The following CACNA2D3 variants were observed in gnomAD, a reference collection of about 807,000 sequenced individuals.
CACNA2D3 encodes calcium voltage-gated channel auxiliary subunit alpha2delta 3.
Under a neutral mutation model 160.6 loss-of-function variants are expected in CACNA2D3, and 60 were observed. The observed-to-expected ratio is 0.37, with a 90% CI of 0.30 to 0.46. The LOEUF is 0.46. Ranked by LOEUF, CACNA2D3 falls within the 20% of genes least tolerant of loss-of-function variation. The pLI is 1.00. For missense variants in CACNA2D3, 1,205 were observed against 1,365.0 expected (o/e 0.88, Z 1.85); for synonymous variants, 558 against 492.9 (o/e 1.13, Z -1.75).
intron 11 of CACNA2D3, among the ~76,000 whole-genome samples, chr3:54,688,672 G>A (rs1700512722): frequency 6.6e-6 from 1 of 151,650 alleles, no homozygotes; most frequent in Non-Finnish European, 1.5e-5. Flanking sequence ...CTGACACAGA[G>A]AAAGAGCTCA....
chr3:54,926,739 A>ACCC (rs1701032782), intron 27 of CACNA2D3, among the ~76,000 whole-genome samples: 1 of 152,008 alleles, frequency 6.6e-6, no homozygotes, highest in South Asian at 2.1e-4. Flanking sequence ...ATTAATATTT[A>ACCC]CCCCCACTCT....
rs143381034 is a variant in CACNA2D3, at chr3:55,001,829, C to T, written c.2691-2934C>T. ...TGTAATTGTTTAATAAGTCAGGAAA[C>T]GAAGCCTTTGAAGAGTACCAGCAAG... is the stretch of plus-strand genomic sequence containing the variant. On this transcript the variant is annotated intron_variant, in intron 31 of 37. Transcript: ENST00000474759. Among the ~76,000 whole-genome samples the T allele has an allele frequency of 5.9e-5, 9 of 152,274 alleles. No individual in the cohort carries two copies. The South Asian group carries it at 6.2e-4, about 11-fold the overall frequency.
intron 13 of CACNA2D3, among the ~76,000 whole-genome samples, chr3:54,795,191 T>A (rs1434787594): frequency 6.6e-6 from 1 of 152,198 alleles, no homozygotes; most frequent in Non-Finnish European, 1.5e-5. Context: ...CAGTCACTTT[T>A]AAAAAATTTT....
At chr3:54,532,432 A>G (rs186262652) in intron 5 of CACNA2D3, among the ~76,000 whole-genome samples, 39 of 152,318 alleles carry the variant, frequency 2.6e-4, no homozygotes, top group Non-Finnish European at 5.0e-4. Flanking sequence ...TGTACATTAT[A>G]CCCAATAAGG....
At chr3:54,752,837 G>GTTTTTTTTTTTTTTTTTTTTTTTTTTT (rs34310780) in intron 12 of CACNA2D3, among the ~76,000 whole-genome samples, 160 bp downstream of exon 12, 1 of 144,216 alleles carries the variant, frequency 6.9e-6, no homozygotes, top group Admixed American at 7.0e-5. Flanking sequence ...TCCAAATTAT[G>GTTTTTTTTTTTTTTTTTTTTTTTTTTT]TTTTTTTTTT....
chr3:54,666,490 C>T (rs1700071437), intron 11 of CACNA2D3, among the ~76,000 whole-genome samples: 1 of 152,270 alleles, frequency 6.6e-6, no homozygotes, highest in South Asian at 2.1e-4. Flanking sequence ...GCGTTACTGC[C>T]TCAGTTTCTA....
intron 3 of CACNA2D3, among the ~76,000 whole-genome samples, chr3:54,386,290 C>G (rs1699184905): frequency 6.6e-6 from 1 of 152,162 alleles, no homozygotes; most frequent in Non-Finnish European, 1.5e-5. Flanking sequence ...AAAATAAGTA[C>G]TCTTTTCCAA....
intron 5 of CACNA2D3, among the ~76,000 whole-genome samples, chr3:54,541,221 G>A (rs1308275291): frequency 7.2e-6 from 1 of 139,750 alleles, no homozygotes; most frequent in African/African-American, 2.7e-5. Flanking sequence ...AGCTTGCAGT[G>A]AGCTGAGATT....
chr3:54,558,420 TC>T (rs112924273), intron 5 of CACNA2D3, among the ~76,000 whole-genome samples: 2,653 of 151,370 alleles, frequency 0.018, 41 homozygotes, highest in Non-Finnish European at 0.026. Context: ...ATTTTTTTTT[TC>T]CTTTCCATCT....
At position 54,123,503 on chromosome 3, in the gene CACNA2D3, C is replaced by A. The variant is rs1439522260; in HGVS notation, c.123-10C>A. The A allele has an allele frequency of 1.2e-6, 2 of 1,610,626 alleles. No individual in the cohort carries two copies. Among genetic ancestry groups the A allele is most frequent in the African/African-American group, 1.3e-5 (1 of 74,856 alleles). On this transcript the variant is annotated splice_polypyrimidine_tract_variant and intron_variant, in intron 1 of 37. Transcript: ENST00000474759. ...TGTTACATATCTTCCTGTGCCCCTT[C>A]TCCCTGTAGGGTGAAGCTCTGGGCC...
chr3:54,278,432 T>A (rs1284988401), intron 2 of CACNA2D3, among the ~76,000 whole-genome samples: 1 of 152,186 alleles, frequency 6.6e-6, no homozygotes, highest in Admixed American at 6.5e-5. Flanking sequence ...GTGTGGTGAT[T>A]CCTCAAGGAT....
At chr3:54,647,290 TA>T (rs1299745046) in intron 11 of CACNA2D3, among the ~76,000 whole-genome samples, 21 of 152,276 alleles carry the variant, frequency 1.4e-4, no homozygotes, top group Admixed American at 5.9e-4. Context: ...AGTAGAAAAC[TA>T]ACACAAGAAG....
In CACNA2D3 at chr3:54,806,326, C is replaced by T. The variant is rs545428545; in HGVS notation, c.1381-10527C>T. Among the ~76,000 whole-genome samples, 457 of 152,208 alleles carry T rather than the reference C, an allele frequency of 3.0e-3. 1 individual carries two copies. The highest frequency in any genetic ancestry group is 4.7e-3 in the Non-Finnish European group (319 of 68,004). On this transcript the variant is annotated intron_variant, in intron 13 of 37. Transcript: ENST00000474759. ...ACCCCATTGTCTCAGCCCAAAATCT[C>T]CTTAAGCTGATAAGCAACTTCAGCA...
intron 13 of CACNA2D3, among the ~76,000 whole-genome samples, chr3:54,780,640 C>G (rs1248846789): frequency 6.6e-6 from 1 of 152,164 alleles, no homozygotes; most frequent in Non-Finnish European, 1.5e-5. Flanking sequence ...TGTAAATGCT[C>G]TCTGCTTTTA....
intron 2 of CACNA2D3, among the ~76,000 whole-genome samples, chr3:54,139,428 T>C (rs574465745): frequency 3.9e-5 from 6 of 152,208 alleles, no homozygotes; most frequent in Middle Eastern, 3.2e-3. Context: ...AAGACTAAAG[T>C]CGCATTCATG....
intron 5 of CACNA2D3, among the ~76,000 whole-genome samples, chr3:54,544,782 C>T (rs180755567): frequency 5.9e-5 from 9 of 152,222 alleles, no homozygotes; most frequent in African/African-American, 2.2e-4. Flanking sequence ...CTATGAGTAA[C>T]AGAGTTTTCA....
At chr3:55,004,702 G>A in intron 31 of CACNA2D3, 61 bp from the exon 32 acceptor site, 1 of 1,082,446 alleles carries the variant, frequency 9.2e-7, no homozygotes, top group Non-Finnish European at 1.4e-6. Flanking sequence ...GTAGTACATA[G>A]CATCAATTGG....
chr3:54,766,625 A>G (rs1335880138), intron 13 of CACNA2D3, among the ~76,000 whole-genome samples: 1 of 152,178 alleles, frequency 6.6e-6, no homozygotes, highest in African/African-American at 2.4e-5. Context: ...TTAACATCAC[A>G]AAAATATATG....
intron 4 of CACNA2D3, among the ~76,000 whole-genome samples, chr3:54,484,867 G>GC (rs1700991883): frequency 1.4e-5 from 2 of 147,840 alleles, no homozygotes; most frequent in Non-Finnish European, 3.0e-5. Flanking sequence ...TTTTTTGGGG[G>GC]ATGGAGTCTT....
Sources: gnomAD v4.1 joint callset for allele counts (sites outside exome capture counted in the v4.1 genomes callset) on GRCh38, gnomAD v4.1.1 for gene constraint, MANE v1.5 for transcripts, NCBI Gene and HGNC (gene_info 2026-07-23, HGNC 2026-07-21) for gene names.